Variants in NAV3 observed in about 807,000 individuals in gnomAD.
The protein encoded by NAV3 is pore membrane and/or filament interacting like protein 1.
In NAV3, 87 loss-of-function variants were observed where a neutral mutation model predicts 244.7. That is an observed-to-expected ratio of 0.36 (90% CI 0.30 to 0.42). The LOEUF is 0.42. Ranked by LOEUF, NAV3 falls within the 20% of genes least tolerant of loss-of-function variation. NAV3 has a pLI of 1.00. For missense variants in NAV3, 2,663 were observed against 2,893.3 expected (o/e 0.92, Z 1.83); for synonymous variants, 1,126 against 1,042.2 (o/e 1.08, Z -1.55).
At chr12:78,013,115 T>C (rs1207381759) in intron 8 of NAV3, among the ~76,000 whole-genome samples, 1 of 152,148 alleles carries the variant, frequency 6.6e-6, no homozygotes, top group African/African-American at 2.4e-5. Context: ...TTTAAAGAAT[T>C]AAACCATACC....
intron 2 of NAV3, among the ~76,000 whole-genome samples, chr12:77,659,098 A>T (rs1278767936): frequency 6.6e-6 from 1 of 151,866 alleles, no homozygotes; most frequent in Admixed American, 6.6e-5. Flanking sequence ...CAAAAGCCAA[A>T]ATTGACAAAT....
chr12:78,111,862 C>G (rs1172154130), intron 12 of NAV3, among the ~76,000 whole-genome samples: 1 of 151,936 alleles, frequency 6.6e-6, no homozygotes, highest in Non-Finnish European at 1.5e-5. Flanking sequence ...TGCATATATT[C>G]CTGTGAAAAG....
intron 9 of NAV3, among the ~76,000 whole-genome samples, chr12:78,044,008 G>A (rs1290919876): frequency 6.6e-6 from 1 of 152,138 alleles, no homozygotes; most frequent in Non-Finnish European, 1.5e-5. Context: ...CTTTGCCCAT[G>A]CCTATGTCCT....
At chr12:77,675,162 A>G (rs1874150840) in intron 2 of NAV3, among the ~76,000 whole-genome samples, 1 of 152,194 alleles carries the variant, frequency 6.6e-6, no homozygotes, top group Non-Finnish European at 1.5e-5. Flanking sequence ...AAAATGTAGC[A>G]TTTTACATTG....
chr12:77,893,194 T>C (rs1884157916), intron 1 of NAV3, among the ~76,000 whole-genome samples: 1 of 152,164 alleles, frequency 6.6e-6, no homozygotes, highest in Non-Finnish European at 1.5e-5. Context: ...GAAGGAAAAT[T>C]TGAATTTTTA....
chr12:78,210,384 T>C lies in NAV3; in HGVS notation c.7039-14T>C. ...GCATCATTGCCTACATCGATGTCTT[T>C]TTTCTTTCTTCAGATGAATATGCTA... On this transcript the variant is annotated splice_polypyrimidine_tract_variant and intron_variant, in intron 39 of 39. Transcript: ENST00000397909. The C allele has an allele frequency of 6.2e-7, 1 of 1,613,332 alleles. No homozygotes were observed. Among genetic ancestry groups the C allele is most frequent in the Non-Finnish European group, 8.5e-7 (1 of 1,179,716 alleles).
At chr12:78,164,382 G>A (rs1041015499) in intron 23 of NAV3, among the ~76,000 whole-genome samples, 1 of 151,880 alleles carries the variant, frequency 6.6e-6, no homozygotes, top group Non-Finnish European at 1.5e-5. Context: ...ATTTTTTTGG[G>A]TGACTACAAA....
At chr12:78,062,081 G>A (rs942041490) in intron 12 of NAV3, among the ~76,000 whole-genome samples, 13 of 152,068 alleles carry the variant, frequency 8.5e-5, no homozygotes, top group Non-Finnish European at 1.8e-4. Context: ...GCATGCCGTT[G>A]ATTTTTCTGT....
Position 78,021,820 on chromosome 12 carries a change from T to G in NAV3, c.1981T>G (p.Ser661Ala). The G allele has an allele frequency of 6.2e-7, 1 of 1,611,324 alleles. No homozygotes were observed. The highest frequency in any genetic ancestry group is 1.1e-5 in the South Asian group (1 of 90,934). Residue 661 changes from serine to alanine, a missense_variant, in exon 9 of 40, where the codon TCA (serine) becomes GCA (alanine). Coordinates refer to ENST00000397909, the MANE Select transcript of NAV3 (RefSeq NM_001024383.2). ...SCTSPTKMDL[S>A]YSKTAKQCLE... ...TACCAGTCCTACAAAGATGGACTTA[T>G]CATATAGTAAGACTGCTAAGCAGTG... is the stretch of plus-strand genomic sequence containing the variant.
intron 1 of NAV3, among the ~76,000 whole-genome samples, chr12:77,887,104 G>A (rs913498916): frequency 1.3e-5 from 2 of 152,154 alleles, no homozygotes; most frequent in Non-Finnish European, 2.9e-5. Flanking sequence ...ACCTCTCACA[G>A]TGGCTTTTCA....
chr12:77,793,631 T>A (rs879149409), intron 2 of NAV3, among the ~76,000 whole-genome samples: 2 of 152,216 alleles, frequency 1.3e-5, no homozygotes, highest in African/African-American at 4.8e-5. Context: ...GCTTCATCCA[T>A]GTCCCTGCAA....
intron 20 of NAV3, chr12:78,144,931 AAAAAAAAAAAAAAAAAG>A (rs1565717892): frequency 3.0e-4 from 45 of 148,712 alleles, no homozygotes; most frequent in Middle Eastern, 2.2e-3. Context: ...AAAAAAAAAA[AAAAAAAAAAAAAAAAAG>A]AAAGAAAGAA....
Position 77,755,017 on chromosome 12 carries a change from G to T in NAV3, c.72+182751G>T, listed in dbSNP as rs182592152. 1.6e-3 allele frequency among the ~76,000 whole-genome samples: 237 copies of T among 152,226 alleles called. 1 individual carries two copies. In the Middle Eastern group the frequency reaches 0.024, roughly 15 times the overall value. On this transcript the variant is annotated intron_variant, in intron 2 of 8. Transcript: ENST00000550042. ...ATAATTTTTATCAATATCGGGAAAAGTTTTTTTGCTGAATTAAAAACAATT... is the reference window on the plus strand; with the variant it reads ...ATAATTTTTATCAATATCGGGAAAATTTTTTTTGCTGAATTAAAAACAATT...
intron 3 of NAV3, among the ~76,000 whole-genome samples, chr12:77,941,824 C>G (rs1197430064): frequency 6.6e-6 from 1 of 152,208 alleles, no homozygotes; most frequent in Non-Finnish European, 1.5e-5. Context: ...AATGCCTTAA[C>G]TAAAGTTACA....
chr12:78,138,417 G>A (rs542442075), intron 19 of NAV3, among the ~76,000 whole-genome samples: 29 of 152,134 alleles, frequency 1.9e-4, no homozygotes, highest in African/African-American at 6.7e-4. Context: ...TGAGGGGTTA[G>A]GCAGCAATGA....
chr12:78,151,012 C>A (rs1429138305), intron 22 of NAV3, among the ~76,000 whole-genome samples: 1 of 150,946 alleles, frequency 6.6e-6, no homozygotes, highest in African/African-American at 2.4e-5. Flanking sequence ...AAGAAGAGCA[C>A]AATTAGGGAA....
chr12:77,768,962 A>C (rs943943005), intron 2 of NAV3, among the ~76,000 whole-genome samples: 1 of 152,250 alleles, frequency 6.6e-6, no homozygotes, highest in African/African-American at 2.4e-5. Flanking sequence ...GCCCTTCCTC[A>C]AAAAATAATA....
chr12:77,575,148 C>T (rs1231258417), intron 2 of NAV3, among the ~76,000 whole-genome samples: 1 of 151,482 alleles, frequency 6.6e-6, no homozygotes, highest in Non-Finnish European at 1.5e-5. Flanking sequence ...TAAATAATGC[C>T]TCATCCCCTT....
Position 77,879,532 on chromosome 12 carries a change from GGGTGTGGT to G in NAV3, c.243+47833_243+47840del, listed in dbSNP as rs541263663. Reference sequence around the variant, plus strand: ...TCTACTAAAAATATAAAAATTAGCTGGGTGTGGTGGTGGACACCTATAATCCCAGCTAC... The same window carrying G: ...TCTACTAAAAATATAAAAATTAGCTGGGTGGACACCTATAATCCCAGCTAC... On this transcript the variant is annotated intron_variant, in intron 1 of 39. Coordinates refer to ENST00000397909, the MANE Select transcript of NAV3 (RefSeq NM_001024383.2). Among the ~76,000 whole-genome samples the G allele has an allele frequency of 1.3e-4, 19 of 151,798 alleles. No homozygotes were observed. The East Asian group carries it at 3.5e-3, about 28-fold the overall frequency.
Sources: allele counts gnomAD v4.1 joint callset (sites outside exome capture counted in the v4.1 genomes callset), GRCh38; gene constraint gnomAD v4.1.1; transcripts MANE v1.5; gene names NCBI Gene and HGNC (gene_info 2026-07-23, HGNC 2026-07-21).